Variants in ZNF790 observed in about 807,000 individuals in gnomAD.
ZNF790 encodes the protein zinc finger protein 790.
In ZNF790, 8 loss-of-function variants were observed where a neutral mutation model predicts 12.1. The ratio of observed to expected loss-of-function variants is 0.66; its 90% CI spans 0.39 to 1.19. ZNF790 has a LOEUF of 1.19. ZNF790 is among the 50% of genes most tolerant of loss of function. The pLI is 0.01. For synonymous variants in ZNF790, 252 were observed against 244.3 expected, an observed-to-expected ratio of 1.03 and a Z score of -0.29; for missense variants, 707 against 752.2, an observed-to-expected ratio of 0.94 and a Z score of 0.70.
At position 36,819,437 on chromosome 19, in the gene ZNF790, T is replaced by C. The variant is rs2071617312; in HGVS notation, c.907A>G (p.Ile303Val). 6.2e-7 allele frequency: 1 copy of C among 1,610,518 alleles called. No homozygotes were observed. Among genetic ancestry groups the C allele is most frequent in the Non-Finnish European group, 8.5e-7 (1 of 1,178,024 alleles). ...TCATAGGGTTTTTCACCAGTATGAA[T>C]TCTCTGATGTCGAGTAAGATCTGAG... is the stretch of plus-strand genomic sequence containing the variant. ...CGSDLTRHQR[I>V]HTGEKPYECN... is the part of the protein sequence containing the mutation. Residue 303 changes from isoleucine to valine, a missense_variant, in exon 5 of 5, where the codon ATT (isoleucine) becomes GTT (valine). Transcript: ENST00000356725.
chr19:36,841,613 C>T (rs976864791), upstream of ZNF790, among the ~76,000 whole-genome samples: 1 of 151,450 alleles, frequency 6.6e-6, no homozygotes, highest in Non-Finnish European at 1.5e-5. Context: ...GAGCAAGACT[C>T]CATCTCAAAA....
upstream of ZNF790, among the ~76,000 whole-genome samples, chr19:36,840,155 TCCTA>T (rs1350230904): frequency 6.6e-6 from 1 of 152,202 alleles, no homozygotes; most frequent in Non-Finnish European, 1.5e-5. Context: ...GTTGTTAAAC[TCCTA>T]ACTGGATTAA....
chr19:36,824,869 G>T (rs1448570684), intron 2 of ZNF790, among the ~76,000 whole-genome samples: 1 of 152,172 alleles, frequency 6.6e-6, no homozygotes, highest in African/African-American at 2.4e-5. Flanking sequence ...ACTACTTTTA[G>T]TTGAATTATC....
intron 1 of ZNF790, chr19:36,849,872 T>A: frequency 6.6e-6 from 1 of 151,962 alleles, no homozygotes. Context: ...CTCACTTCTC[T>A]CACACACACA....
chr19:36,845,471 A>T (rs1033502146), intron 1 of ZNF790, among the ~76,000 whole-genome samples: 1 of 152,140 alleles, frequency 6.6e-6, no homozygotes, highest in Non-Finnish European at 1.5e-5. Context: ...ATGTGAATAT[A>T]AATGAATATT....
chr19:36,847,579 G>A (rs542484934), intron 1 of ZNF790, among the ~76,000 whole-genome samples: 2 of 151,582 alleles, frequency 1.3e-5, no homozygotes, highest in Non-Finnish European at 2.9e-5. Context: ...GTGAAACCCC[G>A]TCTCTACTAA....
chr19:36,824,518 G>A (rs1172496449), intron 2 of ZNF790, among the ~76,000 whole-genome samples: 4 of 151,890 alleles, frequency 2.6e-5, no homozygotes, highest in Non-Finnish European at 5.9e-5. Flanking sequence ...ATGTTGGCCA[G>A]GCTGGTCTCA....
In ZNF790 at chr19:36,818,672, C is replaced by T; in HGVS notation, c.1672G>A (p.Asp558Asn). The T allele has an allele frequency of 6.2e-7, 1 of 1,613,340 alleles. No individual in the cohort carries two copies. The highest frequency in any genetic ancestry group is 8.5e-7 in the Non-Finnish European group (1 of 1,179,796). ...TTCTTGCATCCATAAGGTTCTGCATCAGTATGAATTTTCTTATGTCGTGTA... is the reference window on the plus strand; with the variant it reads ...TTCTTGCATCCATAAGGTTCTGCATTAGTATGAATTTTCTTATGTCGTGTA... ...QLTRHKKIHT[D>N]AEPYGCKKSS... Residue 558 changes from aspartate to asparagine, a missense_variant, in exon 5 of 5, where the codon GAT (aspartate) becomes AAT (asparagine). Physicochemically the swap from Asp to Asn is conservative, Grantham distance 23 (BLOSUM62 1). Coordinates refer to ENST00000356725, the MANE Select transcript of ZNF790 (RefSeq NM_206894.4).
At chr19:36,825,571 A>C (rs758473586) in intron 2 of ZNF790, 40 bp downstream of exon 2, 2 of 1,601,154 alleles carry the variant, frequency 1.2e-6, no homozygotes, top group Non-Finnish European at 1.7e-6. Flanking sequence ...GATTTGATAT[A>C]AATGGGTTAT....
At chr19:36,825,824 A>T (rs1421012729) in intron 1 of ZNF790, 132 bp from the exon 2 acceptor site, 1 of 620,706 alleles carries the variant, frequency 1.6e-6, no homozygotes, top group East Asian at 2.7e-5. Flanking sequence ...AAAACCAGAG[A>T]GATTCAACAA....
exon 1 of ZNF790, chr19:36,850,112 C>G (rs1293085347): frequency 6.6e-6 from 1 of 152,328 alleles, no homozygotes. Flanking sequence ...CCACACGCTA[C>G]GCAGCTGCCC....
chr19:36,824,180 G>A (rs998262211), intron 2 of ZNF790, among the ~76,000 whole-genome samples: 6 of 151,698 alleles, frequency 4.0e-5, no homozygotes, highest in African/African-American at 1.5e-4. Flanking sequence ...GTATTTTTTA[G>A]TAGAGACGGG....
rs1450524401 is a variant in ZNF790, at chr19:36,818,953, T to C, written c.1391A>G (p.Glu464Gly). 4.3e-6 allele frequency: 7 copies of C among 1,610,738 alleles called. No homozygotes were observed. Among genetic ancestry groups the C allele is most frequent in the Non-Finnish European group, 5.9e-6 (7 of 1,177,744 alleles). The change falls in exon 5 of 5, where the codon GAG becomes GGG. Residue 464 changes from glutamate to glycine, a missense_variant. Physicochemically the swap from Glu to Gly is moderately conservative, Grantham distance 98. Transcript: ENST00000356725. ...ATGAATTTTCTGATGTCGATTAAACTCTGAGCCATGAAGAAAGGTCTTTCC... is the reference window on the plus strand; with the variant it reads ...ATGAATTTTCTGATGTCGATTAAACCCTGAGCCATGAAGAAAGGTCTTTCC... Reference protein sequence around the residue: ...ECGKTFLHGSEFNRHQKIHTG... With the variant: ...ECGKTFLHGSGFNRHQKIHTG...
intron 1 of ZNF790, among the ~76,000 whole-genome samples, chr19:36,827,141 C>CACACACACACACATATATAT (rs1313807327): frequency 7.1e-5 from 6 of 84,438 alleles, no homozygotes; most frequent in East Asian, 4.9e-4. Context: ...CACACACACA[C>CACACACACACACATATATAT]ATATATATAT....
chr19:36,827,290 C>T (rs2071846183), intron 1 of ZNF790, among the ~76,000 whole-genome samples: 1 of 151,604 alleles, frequency 6.6e-6, no homozygotes, highest in Non-Finnish European at 1.5e-5. Flanking sequence ...GACCGGGAAG[C>T]AACAGCCTGG....
intron 1 of ZNF790, among the ~76,000 whole-genome samples, chr19:36,833,116 C>T (rs561777774): frequency 1.3e-5 from 2 of 152,150 alleles, no homozygotes; most frequent in East Asian, 1.9e-4. Flanking sequence ...ATAAATCTAA[C>T]AATATATGTA....
intron 4 of ZNF790, among the ~76,000 whole-genome samples, chr19:36,822,974 C>T (rs1316080567): frequency 1.3e-5 from 2 of 152,152 alleles, no homozygotes; most frequent in African/African-American, 2.4e-5. Flanking sequence ...CTCAGCCTCC[C>T]GAGTAGGTGG....
In ZNF790 at chr19:36,838,106, G is replaced by GCGCA. The variant is rs1491245613; in HGVS notation, c.-74+230_-74+231insTGCG. 2 of 75,066 alleles carry GCGCA rather than the reference G, an allele frequency of 2.7e-5. No individual in the cohort carries two copies. The highest frequency in any genetic ancestry group is 1.4e-4 in the African/African-American group (2 of 14,628). 4.6% of individuals were successfully genotyped at this position (75,066 alleles called of 1,614,324 possible). On this transcript the variant is annotated intron_variant, in intron 1 of 4. Coordinates refer to ENST00000356725, the MANE Select transcript of ZNF790 (RefSeq NM_206894.4). This position sits in a 1 kb window ranked among gnomAD's most constrained non-coding sequence, Gnocchi z 4.4. ...CTGTCAACGTCGTGTGCGCGTGCGC[G>GCGCA]CACACACACACACACACACACATAC... is the stretch of plus-strand genomic sequence containing the variant.
chr19:36,830,774 A>G (rs1043839847), intron 1 of ZNF790, among the ~76,000 whole-genome samples: 24 of 152,260 alleles, frequency 1.6e-4, no homozygotes, highest in African/African-American at 5.8e-4. Context: ...AATACCAGTG[A>G]CAGCTATTCC....
Sources: gnomAD v4.1 joint callset for allele counts (sites outside exome capture counted in the v4.1 genomes callset) on GRCh38, gnomAD v4.1.1 for gene constraint, Gnocchi (gnomAD v3.1) non-coding constraint, MANE v1.5 for transcripts, NCBI Gene and HGNC (gene_info 2026-07-23, HGNC 2026-07-21) for gene names.